Variants in TLE4 observed in about 807,000 individuals in gnomAD.
TLE4 encodes TLE family member 4, transcriptional corepressor.
TLE4 carries 8 observed loss-of-function variants against 92.8 expected under a neutral mutation model. The observed-to-expected ratio is 0.09, with a 90% CI of 0.05 to 0.16. The LOEUF (loss-of-function observed/expected upper bound fraction) is 0.16. TLE4 is among the 10% of genes least tolerant of loss of function. The pLI is 1.00. For synonymous variants in TLE4, 371 were observed against 374.1 expected, an observed-to-expected ratio of 0.99 and a Z score of 0.10; for missense variants, 675 against 997.6, an observed-to-expected ratio of 0.68 and a Z score of 4.36.
chr9:79,694,679 C>T (rs910560418), intron 8 of TLE4, among the ~76,000 whole-genome samples: 2 of 151,996 alleles, frequency 1.3e-5, no homozygotes, highest in African/African-American at 2.4e-5. Context: ...TAAATATCAA[C>T]CAATGTAAAC....
intron 4 of TLE4, 136 bp from the exon 5 acceptor site, chr9:79,612,520 G>A: frequency 1.4e-6 from 1 of 740,194 alleles, no homozygotes; most frequent in Middle Eastern, 2.4e-4. Flanking sequence ...TTACTGATGA[G>A]ATAGTTTTCC....
intron 4 of TLE4, among the ~76,000 whole-genome samples, chr9:79,593,843 A>G (rs1388372210): frequency 6.6e-6 from 1 of 152,212 alleles, no homozygotes; most frequent in Non-Finnish European, 1.5e-5. Context: ...GAAACCTCAG[A>G]TCTTTAAAAT....
chr9:79,643,840 G>A (rs914476040), intron 6 of TLE4, among the ~76,000 whole-genome samples: 13 of 152,078 alleles, frequency 8.5e-5, no homozygotes, highest in African/African-American at 3.1e-4. Context: ...ATTTGACATG[G>A]TAAAACAGTA....
intron 4 of TLE4, among the ~76,000 whole-genome samples, chr9:79,607,348 T>C (rs548152295): frequency 9.9e-5 from 15 of 152,198 alleles, no homozygotes; most frequent in Non-Finnish European, 1.6e-4. Flanking sequence ...TGGTAGTTTC[T>C]TTTGCCGTGT....
At chr9:79,713,004 A>T (rs2073705372) in intron 14 of TLE4, among the ~76,000 whole-genome samples, 1 of 152,232 alleles carries the variant, frequency 6.6e-6, no homozygotes, top group South Asian at 2.1e-4. Context: ...TACATAGTAA[A>T]AACCTTCAAC....
chr9:79,649,271 TAC>T (rs61394180), intron 6 of TLE4, among the ~76,000 whole-genome samples: 84,655 of 147,050 alleles, frequency 0.58, 24,821 homozygotes, highest in East Asian at 0.71. Flanking sequence ...CATACATACA[TAC>T]ACACACACAC....
intron 8 of TLE4, chr9:79,663,517 G>A (rs1337230188): frequency 6.6e-6 from 1 of 152,264 alleles, no homozygotes; most frequent in Admixed American, 6.5e-5. Flanking sequence ...AGACTCTGAT[G>A]AGGCTTGCTG....
intron 4 of TLE4, among the ~76,000 whole-genome samples, chr9:79,579,444 C>G (rs1204349005): frequency 1.3e-5 from 2 of 152,130 alleles, no homozygotes; most frequent in African/African-American, 4.8e-5. Context: ...TGAATTCAAC[C>G]TATAGGAACT....
chr9:79,624,107 G>T (rs1416687714), intron 5 of TLE4, among the ~76,000 whole-genome samples: 1 of 148,358 alleles, frequency 6.7e-6, no homozygotes, highest in Non-Finnish European at 1.5e-5. Flanking sequence ...AGCCCTCATA[G>T]TTCTAAGAAG....
chr9:79,622,465 C>T (rs1174927479), intron 5 of TLE4, among the ~76,000 whole-genome samples: 1 of 152,176 alleles, frequency 6.6e-6, no homozygotes, highest in Non-Finnish European at 1.5e-5. Flanking sequence ...TCCTTCAGGT[C>T]TCAGTTGTCA....
chr9:79,638,097 G>A (rs2133862677), intron 6 of TLE4, among the ~76,000 whole-genome samples: 1 of 152,236 alleles, frequency 6.6e-6, no homozygotes, highest in African/African-American at 2.4e-5. Flanking sequence ...ACTTTTGTAG[G>A]AGGGTTTCTT....
intron 4 of TLE4, among the ~76,000 whole-genome samples, chr9:79,587,933 G>A (rs1474909690): frequency 6.6e-6 from 1 of 152,146 alleles, no homozygotes; most frequent in Non-Finnish European, 1.5e-5. Flanking sequence ...TTGAGGAAGG[G>A]ATCTGATTAT....
chr9:79,672,861 G>A (rs2062641309), intron 8 of TLE4, among the ~76,000 whole-genome samples: 1 of 152,256 alleles, frequency 6.6e-6, no homozygotes, highest in Non-Finnish European at 1.5e-5. Context: ...CTAAGAGGAA[G>A]GACCAGATAA....
rs759565584 is a variant in TLE4, at chr9:79,722,549, C to T, written c.2085C>T (p.Tyr695=). Residue 695 remains tyrosine, a synonymous_variant, in exon 18 of 20, where the codon TAC becomes TAT. Transcript: ENST00000376552. The part of the protein sequence containing the change: ...EVLHVTKPDK[Y]QLHLHESCVL... ...TGCATGTCACCAAGCCAGACAAATA[C>T]CAACTACATCTTCATGAGAGCTGTG... The T allele has an allele frequency of 1.2e-5, 20 of 1,614,096 alleles. No homozygotes were observed. Among genetic ancestry groups the T allele is most frequent in the Non-Finnish European group, 1.6e-5 (19 of 1,180,052 alleles).
At chr9:79,615,245 G>C (rs1564395946) in intron 5 of TLE4, among the ~76,000 whole-genome samples, 2 of 152,132 alleles carry the variant, frequency 1.3e-5, no homozygotes, top group African/African-American at 4.8e-5. Context: ...TGTCTCTTCA[G>C]AGGCATGGAA....
intron 8 of TLE4, among the ~76,000 whole-genome samples, chr9:79,668,494 C>T (rs1359069877): frequency 6.6e-6 from 1 of 152,092 alleles, no homozygotes; most frequent in South Asian, 2.1e-4. Context: ...GCTTATGTAC[C>T]TTGGCTCACA....
At chr9:79,709,237 T>C (rs10867416) in intron 13 of TLE4, among the ~76,000 whole-genome samples, 89,859 of 152,018 alleles carry the variant, frequency 0.59, 27,808 homozygotes, top group East Asian at 0.74. Flanking sequence ...CATTTTCTTT[T>C]GTAAGGTGAA....
chr9:79,675,739 T>A (rs542418310), intron 8 of TLE4, among the ~76,000 whole-genome samples: 1 of 152,186 alleles, frequency 6.6e-6, no homozygotes, highest in Non-Finnish European at 1.5e-5. Context: ...AACACAGTCC[T>A]CAGCTTTACA....
chr9:79,650,603 C>T (rs1055161802), intron 6 of TLE4, among the ~76,000 whole-genome samples: 5 of 152,150 alleles, frequency 3.3e-5, no homozygotes, highest in Admixed American at 3.3e-4. Flanking sequence ...TTTTGATCCC[C>T]ACTGAATAAC....
Sources: allele counts gnomAD v4.1 joint callset (sites outside exome capture counted in the v4.1 genomes callset), GRCh38; gene constraint gnomAD v4.1.1; transcripts MANE v1.5; gene names NCBI Gene and HGNC (gene_info 2026-07-23, HGNC 2026-07-21).